Variants in RBFOX1 observed in about 807,000 individuals in gnomAD.
RBFOX1 encodes the protein RNA binding fox-1 homolog 1, also known as RNA binding protein fox-1 homolog 1.
RBFOX1 carries 8 observed loss-of-function variants against 57.7 expected under a neutral mutation model. That is an observed-to-expected ratio of 0.14 (90% CI 0.08 to 0.25). RBFOX1 has a LOEUF of 0.25. Ranked by LOEUF, RBFOX1 falls within the 10% of genes least tolerant of loss-of-function variation. RBFOX1 has a pLI of 1.00. For synonymous variants in RBFOX1, 326 were observed against 222.4 expected (o/e 1.47, Z -4.15); for missense variants, 611 against 548.5 (o/e 1.11, Z -1.14).
intron 4 of RBFOX1, among the ~76,000 whole-genome samples, chr16:7,213,782 A>C (rs1164945123): frequency 6.6e-6 from 1 of 152,182 alleles, no homozygotes; most frequent in Non-Finnish European, 1.5e-5. Context: ...AAACCAACTC[A>C]AATCTACTTA....
chr16:7,460,132 C>T (rs1598947518), intron 4 of RBFOX1, among the ~76,000 whole-genome samples: 1 of 151,706 alleles, frequency 6.6e-6, no homozygotes, highest in African/African-American at 2.4e-5. Context: ...AATATTTCTC[C>T]TATGCTAGTC....
intron 2 of RBFOX1, among the ~76,000 whole-genome samples, chr16:6,596,002 A>C (rs1567816076): frequency 6.6e-6 from 1 of 152,002 alleles, no homozygotes; most frequent in African/African-American, 2.4e-5. Context: ...GTTGTATGTA[A>C]GGGTTCTATA....
intron 4 of RBFOX1, among the ~76,000 whole-genome samples, chr16:7,101,602 T>A (rs2062704377): frequency 6.6e-6 from 1 of 152,148 alleles, no homozygotes. Flanking sequence ...ATGACAGCTA[T>A]AAAGACTCTG....
At chr16:5,392,575 G>C (rs1332160625) in intron 1 of RBFOX1, among the ~76,000 whole-genome samples, 1 of 149,022 alleles carries the variant, frequency 6.7e-6, no homozygotes, top group Non-Finnish European at 1.5e-5. Flanking sequence ...GTCTCATCGT[G>C]TCACCCAGGC....
upstream of RBFOX1, among the ~76,000 whole-genome samples, chr16:6,017,003 T>A (rs1239279250): frequency 6.6e-6 from 1 of 152,240 alleles, no homozygotes; most frequent in East Asian, 1.9e-4. Context: ...CTGACACTCA[T>A]CACTAATCTA....
chr16:7,624,587 G>A (rs1343613152), intron 10 of RBFOX1, among the ~76,000 whole-genome samples: 1 of 152,198 alleles, frequency 6.6e-6, no homozygotes, highest in Non-Finnish European at 1.5e-5. Flanking sequence ...ATAAGTACCA[G>A]CCAAATGAAT....
intron 3 of RBFOX1, among the ~76,000 whole-genome samples, chr16:5,612,147 A>G (rs1442061997): frequency 1.3e-5 from 2 of 148,836 alleles, no homozygotes; most frequent in Non-Finnish European, 3.0e-5. Context: ...TCCCATCCAT[A>G]CGTCTACTCT....
intron 3 of RBFOX1, among the ~76,000 whole-genome samples, chr16:6,658,636 C>A (rs143211117): frequency 6.6e-6 from 1 of 152,218 alleles, no homozygotes; most frequent in Non-Finnish European, 1.5e-5. Flanking sequence ...TTTTCTTTAT[C>A]CCAGAAGCCT....
At chr16:6,615,027 G>T (rs2098122448) in intron 2 of RBFOX1, among the ~76,000 whole-genome samples, 1 of 152,184 alleles carries the variant, frequency 6.6e-6, no homozygotes, top group African/African-American at 2.4e-5. Context: ...TAACCATTGT[G>T]ATGCATAAGA....
At chr16:6,013,330 T>C (rs1567257547) in intron 4 of RBFOX1, among the ~76,000 whole-genome samples, 1 of 152,248 alleles carries the variant, frequency 6.6e-6, no homozygotes, top group Non-Finnish European at 1.5e-5. Context: ...TAAGAATTTT[T>C]ACTTGAATCT....
chr16:6,005,991 T>G (rs1282004743), intron 4 of RBFOX1, among the ~76,000 whole-genome samples: 5 of 152,210 alleles, frequency 3.3e-5, no homozygotes, highest in African/African-American at 1.2e-4. Context: ...AAGGCAGGCT[T>G]GGGCCAATTC....
intron 3 of RBFOX1, among the ~76,000 whole-genome samples, chr16:6,810,347 C>T (rs2088164425): frequency 6.6e-6 from 1 of 152,072 alleles, no homozygotes; most frequent in South Asian, 2.1e-4. Flanking sequence ...GGCTTCCGTG[C>T]ATTTTTTCCT....
At chr16:6,143,693 C>T (rs938723894) in intron 1 of RBFOX1, among the ~76,000 whole-genome samples, 18 of 152,032 alleles carry the variant, frequency 1.2e-4, no homozygotes, top group South Asian at 2.1e-4. Context: ...GTGGTAGCAG[C>T]GGTAGTGGTG....
At chr16:5,750,822 C>G (rs780471772) in intron 3 of RBFOX1, among the ~76,000 whole-genome samples, 3 of 152,218 alleles carry the variant, frequency 2.0e-5, no homozygotes, top group Admixed American at 2.0e-4. Context: ...CCAGGTTAGT[C>G]GATGCCTCGC....
intron 5 of RBFOX1, among the ~76,000 whole-genome samples, chr16:7,541,843 G>A (rs568729398): frequency 6.6e-6 from 1 of 152,296 alleles, no homozygotes; most frequent in African/African-American, 2.4e-5. Flanking sequence ...GTGGGATGAT[G>A]TGAAGGACTT....
chr16:7,178,148 AC>A, intron 4 of RBFOX1, among the ~76,000 whole-genome samples: 1 of 152,342 alleles, frequency 6.6e-6, no homozygotes, highest in South Asian at 2.1e-4. Flanking sequence ...ACAACAACAA[AC>A]AAAAAACATG....
chr16:5,910,949 G>T (rs529045844), intron 4 of RBFOX1, among the ~76,000 whole-genome samples: 7 of 152,254 alleles, frequency 4.6e-5, no homozygotes, highest in Middle Eastern at 3.4e-3. Flanking sequence ...GTTCCCCAAA[G>T]GGATCAAGCT....
At position 7,711,227 on chromosome 16, in the gene RBFOX1, GAAAAAA is replaced by G. The variant is rs59509314; in HGVS notation, c.*490_*495del. 6.9e-6 allele frequency: 1 copy of G among 144,352 alleles called. No individual in the cohort carries two copies. Among genetic ancestry groups the G allele is most frequent in the Non-Finnish European group, 1.5e-5 (1 of 65,952 alleles). 8.9% of individuals were successfully genotyped at this position (144,352 alleles called of 1,614,324 possible). A position where few individuals can be genotyped will look rare whatever the true frequency, so the allele number is the denominator to read the frequency against. ...GATTGGAACTGGGGTTTGGCTGAAA[GAAAAAA>G]AAAAAAATGTAACTGATGAATCTAA... On this transcript the variant is annotated 3_prime_UTR_variant, in exon 16 of 16. Transcript: ENST00000550418.
At chr16:7,644,304 C>A (rs1348032188) in intron 11 of RBFOX1, among the ~76,000 whole-genome samples, 1 of 152,274 alleles carries the variant, frequency 6.6e-6, no homozygotes, top group South Asian at 2.1e-4. Flanking sequence ...CCGGGTCTGG[C>A]AATTAGCAAG....
Sources: allele counts gnomAD v4.1 joint callset (sites outside exome capture counted in the v4.1 genomes callset), GRCh38; gene constraint gnomAD v4.1.1; transcripts MANE v1.5; gene names NCBI Gene and HGNC (gene_info 2026-07-23, HGNC 2026-07-21).